The following ROCK1 variants were observed in gnomAD, a reference collection of about 807,000 sequenced individuals.
ROCK1 encodes the protein Rho associated coiled-coil containing protein kinase 1, also known as rho-associated protein kinase 1.
ROCK1 carries 36 observed loss-of-function variants against 196.8 expected under a neutral mutation model. The observed-to-expected ratio is 0.18, with a 90% CI of 0.14 to 0.24. The LOEUF (loss-of-function observed/expected upper bound fraction) is 0.24. Ranked by LOEUF, ROCK1 falls within the 10% of genes least tolerant of loss-of-function variation. The pLI is 1.00. For synonymous variants in ROCK1, 443 were observed against 515.9 expected (o/e 0.86, Z 1.91); for missense variants, 920 against 1,562.0 (o/e 0.59, Z 6.93).
intron 18 of ROCK1, among the ~76,000 whole-genome samples, chr18:20,988,227 A>G (rs2035593655): frequency 1.3e-5 from 2 of 151,948 alleles, no homozygotes; most frequent in South Asian, 4.2e-4. Context: ...CACTACACGC[A>G]GCTAATTTTT....
chr18:20,981,127 G>T (rs1013707354), intron 21 of ROCK1, among the ~76,000 whole-genome samples: 4 of 151,926 alleles, frequency 2.6e-5, no homozygotes, highest in Non-Finnish European at 5.9e-5. Flanking sequence ...GGGCGCAGTG[G>T]CTCACGCCTG....
rs1172451511 is a variant in ROCK1 at position 21,039,579 on chromosome 18, A to C, written c.960-16T>G. 6.5e-6 allele frequency: 10 copies of C among 1,548,832 alleles called. No individual in the cohort carries two copies. Among genetic ancestry groups the C allele is most frequent in the East Asian group, 2.2e-5 (1 of 44,558 alleles). ...CCTCACTTCCCTGAATAATGACAGA[A>C]GGAGAAAAGTAATCAATCATTTAAG... On this transcript the variant is annotated splice_polypyrimidine_tract_variant and intron_variant, in intron 8 of 32. Transcript: ENST00000399799.
chr18:20,959,063 TTTATA>T lies in ROCK1; in HGVS notation c.3512+772_3512+776del, dbSNP rs1260785774. ...ATAATATATAATATATATATTATATTTTATATTATATAATATATATATTTTATATA... is the reference window on the plus strand; with the variant it reads ...ATAATATATAATATATATATTATATTTTATATAATATATATATTTTATATA... On this transcript the variant is annotated intron_variant, in intron 29 of 32. Transcript: ENST00000399799. Among the ~76,000 whole-genome samples the T allele has an allele frequency of 1.7e-4, 8 of 47,986 alleles. 1 individual carries two copies. Among genetic ancestry groups the T allele is most frequent in the South Asian group, 1.2e-3 (3 of 2,548 alleles). The allele number at this position is 47,986 out of a possible 152,430, so 31.5% of individuals were successfully genotyped here.
chr18:21,016,465 T>A (rs2035863691), intron 12 of ROCK1, among the ~76,000 whole-genome samples: 1 of 152,176 alleles, frequency 6.6e-6, no homozygotes, highest in Non-Finnish European at 1.5e-5. Context: ...ATATATCAAA[T>A]CAGTAAAGGC....
intron 22 of ROCK1, among the ~76,000 whole-genome samples, chr18:20,972,521 A>C (rs904691183): frequency 6.6e-6 from 1 of 152,236 alleles, no homozygotes; most frequent in African/African-American, 2.4e-5. Context: ...TGAGCACTCC[A>C]AACTTTTAAC....
chr18:20,966,864 C>T (rs1389599541), intron 27 of ROCK1, 53 bp downstream of exon 27: 2 of 1,362,282 alleles, frequency 1.5e-6, no homozygotes, highest in South Asian at 1.3e-5. Flanking sequence ...AAGAAATATA[C>T]ACTAATTTCC....
chr18:21,000,410 G>T (rs1210571852), intron 16 of ROCK1, among the ~76,000 whole-genome samples: 1 of 152,018 alleles, frequency 6.6e-6, no homozygotes, highest in East Asian at 1.9e-4. Flanking sequence ...CTACAGGCAC[G>T]TGCCATCATG....
intron 1 of ROCK1, among the ~76,000 whole-genome samples, chr18:21,071,215 G>A (rs144645642): frequency 0.016 from 1,862 of 116,808 alleles, 41 homozygotes; most frequent in African/African-American, 0.054. Flanking sequence ...GTCTTGCTCT[G>A]TTGGCCAGGC....
chr18:21,091,073 C>T (rs766913178), intron 1 of ROCK1, among the ~76,000 whole-genome samples: 2 of 151,092 alleles, frequency 1.3e-5, no homozygotes, highest in African/African-American at 4.9e-5. Context: ...ATAAAATATA[C>T]ACCGAGTATG....
intron 2 of ROCK1, among the ~76,000 whole-genome samples, chr18:21,056,653 T>C (rs951558757): frequency 6.6e-6 from 1 of 152,226 alleles, no homozygotes; most frequent in Admixed American, 6.5e-5. Flanking sequence ...ATGTCACTTC[T>C]CTGCTCAAAA....
chr18:20,980,059 T>C, intron 21 of ROCK1, 55 bp from the exon 22 acceptor site: 2 of 1,442,622 alleles, frequency 1.4e-6, no homozygotes, highest in South Asian at 1.4e-5. Flanking sequence ...AAAAACAATT[T>C]GGCAGTTTCT....
chr18:21,079,953 G>A (rs1054858756), intron 1 of ROCK1, among the ~76,000 whole-genome samples: 1 of 152,148 alleles, frequency 6.6e-6, no homozygotes, highest in African/African-American at 2.4e-5. Context: ...TTTTAGGGTC[G>A]AAGGAGTCCC....
intron 1 of ROCK1, among the ~76,000 whole-genome samples, chr18:21,074,388 C>A (rs1391232128): frequency 6.6e-6 from 1 of 152,092 alleles, no homozygotes; most frequent in African/African-American, 2.4e-5. Context: ...TTATCTAGTA[C>A]AACAAACAAT....
chr18:21,063,695 T>C (rs1370420446), intron 2 of ROCK1, among the ~76,000 whole-genome samples: 2 of 152,200 alleles, frequency 1.3e-5, no homozygotes, highest in Non-Finnish European at 2.9e-5. Context: ...TAGGTAACTG[T>C]ACATAGGCAA....
At chr18:20,980,105 T>A in intron 21 of ROCK1, 101 bp from the exon 22 acceptor site, 2 of 1,321,356 alleles carry the variant, frequency 1.5e-6, no homozygotes, top group Non-Finnish European at 2.0e-6. Context: ...ATCCAACAAT[T>A]CCACTCTCAA....
At chr18:20,957,762 G>A (rs1246267361) in intron 29 of ROCK1, among the ~76,000 whole-genome samples, 1 of 101,800 alleles carries the variant, frequency 9.8e-6, no homozygotes, top group Non-Finnish European at 2.3e-5. Flanking sequence ...GGGATTACAG[G>A]TGTGAGCCAC....
intron 27 of ROCK1, 117 bp from the exon 28 acceptor site, chr18:20,960,323 T>C (rs2035315154): frequency 6.2e-6 from 4 of 648,008 alleles, no homozygotes; most frequent in Admixed American, 2.5e-5. Context: ...AATGAATAAG[T>C]GCTATAATTT....
At chr18:20,992,708 A>C in intron 17 of ROCK1, 123 bp downstream of exon 17, 1 of 595,894 alleles carries the variant, frequency 1.7e-6, no homozygotes, top group South Asian at 2.6e-5. Flanking sequence ...TCAAACATAA[A>C]AACTTTTAGA....
intron 5 of ROCK1, 87 bp downstream of exon 5, chr18:21,045,205 T>C: frequency 8.4e-7 from 1 of 1,196,394 alleles, no homozygotes; most frequent in Non-Finnish European, 1.2e-6. Context: ...GGAAGAAGAA[T>C]GGGTGAACTG....
Sources: gnomAD v4.1 joint callset for allele counts (sites outside exome capture counted in the v4.1 genomes callset) on GRCh38, gnomAD v4.1.1 for gene constraint, MANE v1.5 for transcripts, NCBI Gene and HGNC (gene_info 2026-07-23, HGNC 2026-07-21) for gene names.